Variants in IGFBP7 observed in about 807,000 individuals in gnomAD.
The protein encoded by IGFBP7 is insulin-like growth factor-binding protein 7.
IGFBP7 carries 31 observed loss-of-function variants against 29.4 expected under a neutral mutation model. That is an observed-to-expected ratio of 1.05 (90% CI 0.79 to 1.42). The LOEUF is 1.42. Among genes scored for constraint, IGFBP7 ranks in the 40% most tolerant of loss-of-function variants. The pLI is 0.00. For synonymous variants in IGFBP7, 172 were observed against 174.9 expected (o/e 0.98, Z 0.13); for missense variants, 393 against 395.5 (o/e 0.99, Z 0.05).
chr4:57,109,687 AG>A (rs374027313), intron 1 of IGFBP7, 189 bp downstream of exon 1: 3 of 646,542 alleles, frequency 4.6e-6, no homozygotes, highest in South Asian at 4.3e-5. Flanking sequence ...AAAAAGGAGA[AG>A]GGGGGGCGTC....
chr4:57,064,060 C>G (rs973899294), intron 1 of IGFBP7, among the ~76,000 whole-genome samples: 1 of 152,148 alleles, frequency 6.6e-6, no homozygotes, highest in Non-Finnish European at 1.5e-5. Context: ...AAACTGCAGG[C>G]CGGCATGATG....
chr4:57,033,407 GA>G (rs1723996888), intron 2 of IGFBP7, 96 bp from the exon 3 acceptor site: 1 of 826,124 alleles, frequency 1.2e-6, no homozygotes, highest in East Asian at 2.4e-5. Context: ...GTGTATGTCA[GA>G]CTTTCTAACA....
intron 2 of IGFBP7, among the ~76,000 whole-genome samples, chr4:57,038,089 C>T (rs1724126255): frequency 3.9e-5 from 6 of 152,220 alleles, no homozygotes; most frequent in Admixed American, 2.6e-4. Flanking sequence ...ATCACCCCCA[C>T]CTCAGGCATT....
intron 1 of IGFBP7, among the ~76,000 whole-genome samples, chr4:57,044,173 C>T (rs1376888186): frequency 6.6e-6 from 1 of 152,194 alleles, no homozygotes; most frequent in Non-Finnish European, 1.5e-5. Flanking sequence ...CCTGCCAAAA[C>T]CTACTTACTT....
chr4:57,094,507 G>GA (rs1042399546), intron 1 of IGFBP7, among the ~76,000 whole-genome samples: 1 of 152,150 alleles, frequency 6.6e-6, no homozygotes, highest in African/African-American at 2.4e-5. Flanking sequence ...CCACTCCTAT[G>GA]AAAACTTAAT....
chr4:57,090,580 T>C (rs1211218865), intron 1 of IGFBP7, among the ~76,000 whole-genome samples: 1 of 152,208 alleles, frequency 6.6e-6, no homozygotes, highest in East Asian at 1.9e-4. Flanking sequence ...CTCACACTTG[T>C]AATCCTAGCA....
At chr4:57,045,785 G>T (rs1724344596) in intron 1 of IGFBP7, among the ~76,000 whole-genome samples, 1 of 151,560 alleles carries the variant, frequency 6.6e-6, no homozygotes, top group Non-Finnish European at 1.5e-5. Context: ...GGGTGCAATG[G>T]TGTGATCTCG....
chr4:57,101,408 T>G (rs1275601692), intron 1 of IGFBP7, among the ~76,000 whole-genome samples: 1 of 152,216 alleles, frequency 6.6e-6, no homozygotes, highest in East Asian at 1.9e-4. Context: ...CTGGCCTGCT[T>G]TTGGGACCAG....
intron 1 of IGFBP7, among the ~76,000 whole-genome samples, chr4:57,109,589 A>G (rs1313137234): frequency 2.6e-5 from 4 of 152,318 alleles, no homozygotes; most frequent in Non-Finnish European, 5.9e-5. Flanking sequence ...GGCATGGGGA[A>G]GTCTGAGGTC....
Position 57,050,444 on chromosome 4 carries a change from C to T in IGFBP7, c.476-9511G>A, listed in dbSNP as rs186637127. On this transcript the variant is annotated intron_variant, in intron 1 of 4. Coordinates refer to ENST00000295666, the MANE Select transcript of IGFBP7 (RefSeq NM_001553.3). ...ATTTTTAGTAGAGATGGGGTTTCACCATGTTGGCCAGGCTGGTCTCGAACT... is the reference window on the plus strand; with the variant it reads ...ATTTTTAGTAGAGATGGGGTTTCACTATGTTGGCCAGGCTGGTCTCGAACT... 8.9e-4 allele frequency among the ~76,000 whole-genome samples: 135 copies of T among 151,828 alleles called. 2 individuals are homozygous for T. Among genetic ancestry groups the T allele is most frequent in the African/African-American group, 2.9e-3 (121 of 41,394 alleles).
chr4:57,063,193 T>C lies in IGFBP7; in HGVS notation c.476-22260A>G, dbSNP rs1417458747. ...AGATATCCTGTATGTCTCAGATTAG[T>C]TTCCTTTTTGTTTGACAAACCTCCT... On this transcript the variant is annotated intron_variant, in intron 1 of 4. Coordinates refer to ENST00000295666, the MANE Select transcript of IGFBP7 (RefSeq NM_001553.3). Among the ~76,000 whole-genome samples the C allele has an allele frequency of 2.6e-5, 4 of 152,076 alleles. No individual in the cohort carries two copies. In the East Asian group the frequency reaches 7.7e-4, roughly 29 times the overall value.
chr4:57,109,616 A>G, intron 1 of IGFBP7: 5 of 530,440 alleles, frequency 9.4e-6, no homozygotes, highest in Non-Finnish European at 1.6e-5. Context: ...AATCTTTTCT[A>G]CATATACACC....
chr4:57,090,534 T>C (rs1725612587), intron 1 of IGFBP7, among the ~76,000 whole-genome samples: 1 of 152,178 alleles, frequency 6.6e-6, no homozygotes, highest in Non-Finnish European at 1.5e-5. Flanking sequence ...AGAGGTTTTA[T>C]TTTTAGAAAA....
chr4:57,039,310 T>G (rs1354201370), intron 2 of IGFBP7, among the ~76,000 whole-genome samples: 2 of 152,216 alleles, frequency 1.3e-5, no homozygotes, highest in East Asian at 3.8e-4. Flanking sequence ...ATTACTTTAT[T>G]TCATCTTTAT....
intron 1 of IGFBP7, among the ~76,000 whole-genome samples, chr4:57,066,815 G>A (rs1319733665): frequency 6.6e-6 from 1 of 151,674 alleles, no homozygotes; most frequent in Non-Finnish European, 1.5e-5. Context: ...CACCTGCCTC[G>A]GCCTCCTAAA....
At chr4:57,098,048 A>G (rs1034738875) in intron 1 of IGFBP7, among the ~76,000 whole-genome samples, 1 of 152,168 alleles carries the variant, frequency 6.6e-6, no homozygotes, top group African/African-American at 2.4e-5. Context: ...GACATGTGAA[A>G]AACTTCATCC....
At chr4:57,035,940 A>G (rs1724074170) in intron 2 of IGFBP7, among the ~76,000 whole-genome samples, 1 of 152,246 alleles carries the variant, frequency 6.6e-6, no homozygotes, top group African/African-American at 2.4e-5. Flanking sequence ...AAATATTTTG[A>G]CTTAGGTAAC....
intron 2 of IGFBP7, among the ~76,000 whole-genome samples, chr4:57,037,713 ATTC>A (rs1163618839): frequency 2.6e-5 from 4 of 152,198 alleles, no homozygotes; most frequent in African/African-American, 9.6e-5. Context: ...TGAAGAAATT[ATTC>A]TTTGCCAAGA....
intron 1 of IGFBP7, among the ~76,000 whole-genome samples, chr4:57,067,468 T>C (rs1724947036): frequency 6.6e-6 from 1 of 152,236 alleles, no homozygotes; most frequent in Non-Finnish European, 1.5e-5. Flanking sequence ...TATGACATGA[T>C]TCCATTTGTA....
Sources: allele counts gnomAD v4.1 joint callset (sites outside exome capture counted in the v4.1 genomes callset), GRCh38; gene constraint gnomAD v4.1.1; transcripts MANE v1.5; gene names NCBI Gene and HGNC (gene_info 2026-07-23, HGNC 2026-07-21).